Variants in L3MBTL4 observed in about 807,000 individuals in gnomAD.
L3MBTL4 encodes L3MBTL histone methyl-lysine binding protein 4.
Under a neutral mutation model 84.5 loss-of-function variants are expected in L3MBTL4, and 70 were observed. The ratio of observed to expected loss-of-function variants is 0.83; its 90% CI spans 0.68 to 1.01. The LOEUF (loss-of-function observed/expected upper bound fraction) is 1.01. Among genes scored for constraint, L3MBTL4 ranks in the 50% least tolerant of loss-of-function variants. L3MBTL4 has a pLI of 0.00. For synonymous variants in L3MBTL4, 274 were observed against 259.8 expected, an observed-to-expected ratio of 1.05 and a Z score of -0.52; for missense variants, 715 against 754.8, an observed-to-expected ratio of 0.95 and a Z score of 0.62.
chr18:6,301,984 T>C (rs1568460024), intron 3 of L3MBTL4, 27 bp from the exon 4 acceptor site: 2 of 1,555,812 alleles, frequency 1.3e-6, no homozygotes, highest in Non-Finnish European at 1.8e-6. Flanking sequence ...GGTGTTTAGA[T>C]GGTATTGCTG....
In L3MBTL4 at chr18:6,081,445, T is replaced by C. The variant is rs1315335136; in HGVS notation, c.1374-494A>G. On this transcript the variant is annotated intron_variant, in intron 15 of 18. Coordinates refer to ENST00000317931, the MANE Select transcript of L3MBTL4 (RefSeq NM_001330559.2). ...AGTATGTAGTACGGCCTAATTCTGT[T>C]ATTCTTTTATCATGGAACTTCATTA... 3.3e-5 allele frequency among the ~76,000 whole-genome samples: 5 copies of C among 152,224 alleles called. No individual in the cohort carries two copies. In the South Asian group the frequency reaches 1.0e-3, roughly 31 times the overall value.
At chr18:6,099,460 G>A (rs904695500) in intron 14 of L3MBTL4, among the ~76,000 whole-genome samples, 2 of 150,870 alleles carry the variant, frequency 1.3e-5, no homozygotes, top group Non-Finnish European at 3.0e-5. Flanking sequence ...GGACTGGGAA[G>A]TAAGAGCCAT....
chr18:6,134,027 A>G (rs2059953379), intron 14 of L3MBTL4, among the ~76,000 whole-genome samples: 1 of 152,184 alleles, frequency 6.6e-6, no homozygotes, highest in Non-Finnish European at 1.5e-5. Flanking sequence ...ACTGGGAAGG[A>G]AAAAGAGGTT....
chr18:6,192,917 C>G (rs113147208), intron 12 of L3MBTL4, among the ~76,000 whole-genome samples: 2 of 151,088 alleles, frequency 1.3e-5, no homozygotes, highest in Admixed American at 6.6e-5. Context: ...GAGTTCATGC[C>G]GTGTAAAGAG....
intron 17 of L3MBTL4, among the ~76,000 whole-genome samples, chr18:5,966,421 C>T (rs2052356763): frequency 6.6e-6 from 1 of 152,214 alleles, no homozygotes; most frequent in East Asian, 1.9e-4. Context: ...GCACCGCACA[C>T]TCTGGTTTCA....
In L3MBTL4 at chr18:6,087,450, A is replaced by G. The variant is rs115471230; in HGVS notation, c.1373+5905T>C. Among the ~76,000 whole-genome samples, 290 of 152,302 alleles carry G rather than the reference A, an allele frequency of 1.9e-3. 2 individuals are homozygous for G. Among genetic ancestry groups the G allele is most frequent in the African/African-American group, 6.5e-3 (271 of 41,568 alleles). On this transcript the variant is annotated intron_variant, in intron 15 of 18. Transcript: ENST00000317931. ...AATCTCTTGAGTCCTTTCCCTCCGT[A>G]GAGCTCCTAGGTTGTCATGCCTGGC...
chr18:5,977,814 C>T (rs1251090568), intron 16 of L3MBTL4, among the ~76,000 whole-genome samples: 3 of 152,194 alleles, frequency 2.0e-5, no homozygotes, highest in African/African-American at 7.2e-5. Flanking sequence ...AGACTCCTTG[C>T]CACCCTCAGG....
chr18:5,968,179 T>C (rs931338177), intron 17 of L3MBTL4, among the ~76,000 whole-genome samples: 3 of 152,218 alleles, frequency 2.0e-5, no homozygotes, highest in African/African-American at 4.8e-5. Context: ...AGGAACATTG[T>C]GTGACTAATT....
chr18:6,195,877 A>G (rs553399508), intron 12 of L3MBTL4, among the ~76,000 whole-genome samples: 2 of 152,204 alleles, frequency 1.3e-5, no homozygotes, highest in Non-Finnish European at 2.9e-5. Context: ...AGACAATGTA[A>G]TATTTTGGTG....
chr18:6,007,133 G>T (rs143158652), intron 16 of L3MBTL4, among the ~76,000 whole-genome samples: 333 of 151,746 alleles, frequency 2.2e-3, no homozygotes, highest in African/African-American at 7.8e-3. Context: ...CAAACATAAC[G>T]CTCACAAAAA....
chr18:6,367,803 GC>G (rs1175986774), intron 1 of L3MBTL4: 1 of 152,226 alleles, frequency 6.6e-6, no homozygotes, highest in East Asian at 1.9e-4. Context: ...ATGGTGATTT[GC>G]CTTTTAACAG....
At chr18:5,957,837 C>T (rs2095235911) in intron 18 of L3MBTL4, among the ~76,000 whole-genome samples, 2 of 151,422 alleles carry the variant, frequency 1.3e-5, no homozygotes, top group Non-Finnish European at 1.5e-5. Context: ...GGCGTAGTGG[C>T]ATGCGCCTGT....
At chr18:6,007,910 G>A (rs640925) in intron 16 of L3MBTL4, among the ~76,000 whole-genome samples, 123,042 of 152,184 alleles carry the variant, frequency 0.81, 50,120 homozygotes, top group Admixed American at 0.85. Flanking sequence ...AACGGTGAGG[G>A]TAAGAAAATC....
intron 1 of L3MBTL4, among the ~76,000 whole-genome samples, chr18:6,410,138 ACCCAGG>A (rs1394387896): frequency 6.6e-6 from 1 of 151,934 alleles, no homozygotes; most frequent in Non-Finnish European, 1.5e-5. Flanking sequence ...GCCATCTCCC[ACCCAGG>A]CCCTGCCCTC....
chr18:6,193,895 C>G (rs908995129), intron 12 of L3MBTL4, among the ~76,000 whole-genome samples: 1 of 152,158 alleles, frequency 6.6e-6, no homozygotes, highest in Non-Finnish European at 1.5e-5. Flanking sequence ...GACCAAAAAG[C>G]ACACCAGGGA....
Position 6,114,141 on chromosome 18 carries a change from T to A in L3MBTL4, c.1200-20613A>T, listed in dbSNP as rs150340443. Among the ~76,000 whole-genome samples the A allele has an allele frequency of 5.4e-4, 83 of 152,306 alleles. 2 individuals carry two copies. In the East Asian group the frequency reaches 0.011, roughly 21 times the overall value. On this transcript the variant is annotated intron_variant, in intron 14 of 18. Coordinates refer to ENST00000317931, the MANE Select transcript of L3MBTL4 (RefSeq NM_001330559.2). ...TAACATGTAAACATACAGATTCAGA[T>A]GACAGTGAGTAAAGCAGGGAGCAGC...
chr18:6,030,745 AT>A, intron 16 of L3MBTL4: 1 of 977,436 alleles, frequency 1.0e-6, no homozygotes, highest in Non-Finnish European at 1.2e-6. Context: ...TCTACTCCCT[AT>A]TTCGTTAATT....
chr18:6,312,956 A>G (rs992132887), intron 1 of L3MBTL4, among the ~76,000 whole-genome samples: 1 of 151,964 alleles, frequency 6.6e-6, no homozygotes, highest in Non-Finnish European at 1.5e-5. Flanking sequence ...CCCTTTTTCA[A>G]CTTATCTAAT....
At chr18:6,340,398 G>A (rs935233744) in intron 1 of L3MBTL4, among the ~76,000 whole-genome samples, 1 of 152,208 alleles carries the variant, frequency 6.6e-6, no homozygotes, top group Admixed American at 6.5e-5. Flanking sequence ...GCACAGCTCA[G>A]TGCCAAGAGA....
Sources: allele counts gnomAD v4.1 joint callset (sites outside exome capture counted in the v4.1 genomes callset), GRCh38; gene constraint gnomAD v4.1.1; transcripts MANE v1.5; gene names NCBI Gene and HGNC (gene_info 2026-07-23, HGNC 2026-07-21).